The following ARHGAP42 variants were observed in gnomAD, a reference collection of about 807,000 sequenced individuals.
The protein encoded by ARHGAP42 is rho GTPase-activating protein 42.
In ARHGAP42, 63 loss-of-function variants were observed where a neutral mutation model predicts 125.0. That is an observed-to-expected ratio of 0.50 (90% CI 0.41 to 0.62). The LOEUF (loss-of-function observed/expected upper bound fraction) is 0.62, where lower values mean the gene tolerates loss of function less well. ARHGAP42 is among the 20% of genes least tolerant of loss of function. The pLI is 0.00. For synonymous variants in ARHGAP42, 339 were observed against 351.0 expected, an observed-to-expected ratio of 0.97 and a Z score of 0.38; for missense variants, 766 against 1,024.2, an observed-to-expected ratio of 0.75 and a Z score of 3.44.
chr11:100,695,808 T>G (rs1422748731), intron 1 of ARHGAP42, among the ~76,000 whole-genome samples: 1 of 152,194 alleles, frequency 6.6e-6, no homozygotes, highest in Non-Finnish European at 1.5e-5. Flanking sequence ...TGTCCCAACC[T>G]TTTTCCTTTT....
intron 4 of ARHGAP42, among the ~76,000 whole-genome samples, chr11:100,905,653 T>A (rs938119451): frequency 1.3e-5 from 2 of 152,184 alleles, no homozygotes; most frequent in Non-Finnish European, 2.9e-5. Flanking sequence ...TGCTTAATAT[T>A]CTGTTTCCAA....
intron 1 of ARHGAP42, among the ~76,000 whole-genome samples, chr11:100,693,189 T>C (rs1439572551): frequency 6.6e-6 from 1 of 151,002 alleles, no homozygotes; most frequent in East Asian, 1.9e-4. Context: ...GTGGAACTCA[T>C]CGCAGATTCC....
chr11:100,978,065 T>TC (rs1030471933), intron 21 of ARHGAP42, among the ~76,000 whole-genome samples: 1 of 152,132 alleles, frequency 6.6e-6, no homozygotes, highest in Non-Finnish European at 1.5e-5. Context: ...GTGTGTCTAC[T>TC]CCCCACTGTG....
At chr11:100,919,850 G>A (rs1460720501) in intron 5 of ARHGAP42, among the ~76,000 whole-genome samples, 1 of 152,114 alleles carries the variant, frequency 6.6e-6, no homozygotes, top group Non-Finnish European at 1.5e-5. Context: ...TCTCTTTCCA[G>A]CTTCCACATT....
intron 1 of ARHGAP42, among the ~76,000 whole-genome samples, chr11:100,768,065 T>C (rs556524401): frequency 6.6e-6 from 1 of 152,250 alleles, no homozygotes; most frequent in South Asian, 2.1e-4. Flanking sequence ...GTTTCATGAA[T>C]GTCGGGGCTG....
intron 3 of ARHGAP42, among the ~76,000 whole-genome samples, chr11:100,808,622 G>T (rs561392228): frequency 1.3e-4 from 19 of 150,154 alleles, no homozygotes; most frequent in Admixed American, 1.2e-3. Flanking sequence ...AGCCAGGATG[G>T]TCTCGATCTC....
chr11:100,929,297 T>A (rs1867512295), intron 6 of ARHGAP42, among the ~76,000 whole-genome samples: 1 of 152,156 alleles, frequency 6.6e-6, no homozygotes, highest in Non-Finnish European at 1.5e-5. Flanking sequence ...GAGGCAGAGC[T>A]CACCCAGGTC....
In ARHGAP42 at chr11:100,687,638, GC is replaced by G. The variant is rs1269975514; in HGVS notation, c.-38del. 3.6e-6 allele frequency: 5 copies of G among 1,382,616 alleles called. No homozygotes were observed. In the African/African-American group the frequency reaches 7.5e-5, roughly 21 times the overall value. 85.6% of individuals were successfully genotyped at this position (1,382,616 alleles called of 1,614,324 possible). On this transcript the variant is annotated 5_prime_UTR_variant, in exon 1 of 24. Transcript: ENST00000298815. ...CCGGCTGCCCCCGCCCTGACCTCCG[GC>G]CCGGACGTGTCCGCGGCCGCCGCTG...
At chr11:100,954,372 G>T (rs1474973343) in intron 12 of ARHGAP42, among the ~76,000 whole-genome samples, 3 of 152,140 alleles carry the variant, frequency 2.0e-5, no homozygotes, top group Non-Finnish European at 2.9e-5. Flanking sequence ...ATTTATGTGT[G>T]TAATGACAAA....
chr11:100,916,493 A>G (rs1867069667), intron 5 of ARHGAP42, among the ~76,000 whole-genome samples: 1 of 152,200 alleles, frequency 6.6e-6, no homozygotes. Context: ...AATATAAACT[A>G]TAATAAAAGT....
chr11:100,805,443 A>G (rs956661689), intron 3 of ARHGAP42, among the ~76,000 whole-genome samples: 2 of 152,240 alleles, frequency 1.3e-5, no homozygotes, highest in Non-Finnish European at 2.9e-5. Flanking sequence ...TTAATTTTCA[A>G]TAAGTTCATC....
chr11:100,839,357 G>A (rs948651118), intron 3 of ARHGAP42: 1 of 152,154 alleles, frequency 6.6e-6, no homozygotes, highest in African/African-American at 2.4e-5. Flanking sequence ...CAATAAAGGT[G>A]AGTGTGAATG....
At chr11:100,970,913 C>T (rs942229413) in intron 17 of ARHGAP42, among the ~76,000 whole-genome samples, 4 of 151,942 alleles carry the variant, frequency 2.6e-5, no homozygotes, top group African/African-American at 7.2e-5. Context: ...GAGTTGCATT[C>T]GCTGGGAATT....
intron 2 of ARHGAP42, among the ~76,000 whole-genome samples, chr11:100,776,685 A>T (rs1863133417): frequency 6.6e-6 from 1 of 152,168 alleles, no homozygotes; most frequent in African/African-American, 2.4e-5. Context: ...AGTGCCTAAT[A>T]GTTAGCATCG....
rs1643508680 is a variant in ARHGAP42 at position 100,899,687 on chromosome 11, GTTTGTTTT to G, written c.385-13764_385-13757del. On this transcript the variant is annotated intron_variant, in intron 4 of 23. Transcript: ENST00000298815. Reference sequence around the variant, plus strand: ...GTCCCTGCTTTTTGTTTGTTTGTTTGTTTGTTTTGTTTTTTTTGTTTTGTTTTGTGTTT... The same window carrying G: ...GTCCCTGCTTTTTGTTTGTTTGTTTGGTTTTTTTTGTTTTGTTTTGTGTTT... Among the ~76,000 whole-genome samples the G allele has an allele frequency of 3.3e-5, 4 of 120,794 alleles. No homozygotes were observed. The South Asian group carries it at 1.2e-3, about 36-fold the overall frequency. 79.2% of individuals were successfully genotyped at this position (120,794 alleles called of 152,430 possible). A position where few individuals can be genotyped will look rare whatever the true frequency, so the allele number is the denominator to read the frequency against.
intron 4 of ARHGAP42, among the ~76,000 whole-genome samples, chr11:100,884,521 C>T (rs1321164030): frequency 6.6e-6 from 1 of 152,106 alleles, no homozygotes; most frequent in Non-Finnish European, 1.5e-5. Flanking sequence ...AGGACTCATT[C>T]ACTAGCTAGC....
chr11:100,985,625 A>G (rs1858658451), intron 22 of ARHGAP42, among the ~76,000 whole-genome samples: 1 of 152,126 alleles, frequency 6.6e-6, no homozygotes, highest in Admixed American at 6.5e-5. Flanking sequence ...GAGTGCCTCT[A>G]CTTCCTCAGT....
chr11:100,794,989 A>T, intron 2 of ARHGAP42, 116 bp from the exon 3 acceptor site: 3 of 698,924 alleles, frequency 4.3e-6, no homozygotes, highest in Non-Finnish European at 6.8e-6. Context: ...TTAATAGTAT[A>T]CAGAATATAC....
chr11:100,841,096 G>T (rs1480427404), intron 3 of ARHGAP42, among the ~76,000 whole-genome samples: 1 of 152,136 alleles, frequency 6.6e-6, no homozygotes, highest in Non-Finnish European at 1.5e-5. Context: ...ACACTTTTGT[G>T]TAACGAGGCA....
Sources: gnomAD v4.1 joint callset for allele counts (sites outside exome capture counted in the v4.1 genomes callset) on GRCh38, gnomAD v4.1.1 for gene constraint, MANE v1.5 for transcripts, NCBI Gene and HGNC (gene_info 2026-07-23, HGNC 2026-07-21) for gene names.